Variants in BRSK2 observed in about 807,000 individuals in gnomAD.
BRSK2 encodes the protein BR serine/threonine kinase 2, also known as serine/threonine-protein kinase BRSK2.
A neutral mutation model predicts 83.3 loss-of-function variants in BRSK2; 19 were observed. That is an observed-to-expected ratio of 0.23 (90% confidence interval 0.16 to 0.33). The LOEUF (loss-of-function observed/expected upper bound fraction) is 0.33. Among genes scored for constraint, BRSK2 ranks in the 10% least tolerant of loss-of-function variants. The pLI, the probability that BRSK2 is intolerant of heterozygous loss-of-function variation, is 1.00. For synonymous variants in BRSK2, 519 were observed against 435.4 expected (o/e 1.19, Z -2.39); for missense variants, 798 against 1,042.3 (o/e 0.77, Z 3.23).
intron 1 of BRSK2, among the ~76,000 whole-genome samples, chr11:1,407,277 C>T (rs1448076639): frequency 1.3e-5 from 2 of 152,136 alleles, no homozygotes; most frequent in African/African-American, 4.8e-5. Flanking sequence ...CCGCTGGCCA[C>T]CTCTGCTGTG....
chr11:1,420,614 AC>A (rs1382491340), intron 1 of BRSK2, among the ~76,000 whole-genome samples: 2 of 151,686 alleles, frequency 1.3e-5, no homozygotes, highest in East Asian at 3.9e-4. Flanking sequence ...CCCTGCCTGG[AC>A]CCCCTGTGAC....
rs764403801 is a variant in BRSK2, at chr11:1,423,059, G to A, written c.92-12981G>A. On this transcript the variant is annotated intron_variant, in intron 1 of 19. Coordinates refer to ENST00000528841, the MANE Select transcript of BRSK2 (RefSeq NM_001256627.2). The surrounding 1 kb of genome is among the most constrained non-coding windows in gnomAD (Gnocchi z 6.5). ...CAGCTTGGGAGCCTTAGCTCAGCCA[G>A]ACAGCAGCCCGGAGGGTTAATGTCC... Among the ~76,000 whole-genome samples the A allele has an allele frequency of 6.6e-6, 1 of 152,198 alleles. No homozygotes were observed. Among genetic ancestry groups the A allele is most frequent in the Non-Finnish European group, 1.5e-5 (1 of 68,028 alleles).
At chr11:1,418,010 C>T (rs1319864969) in intron 1 of BRSK2, among the ~76,000 whole-genome samples, 8 of 150,776 alleles carry the variant, frequency 5.3e-5, no homozygotes, top group Non-Finnish European at 1.0e-4. Context: ...CACCTGTGTC[C>T]TGCTTCTGTT....
rs1290169080 is a variant in BRSK2 at position 1,423,716 on chromosome 11, G to A, written c.92-12324G>A. Reference sequence around the variant, plus strand: ...GTGCCCCAGGCCTCCCCCGCTGGGCGTTCCGGGTGCCCCAGGCCTCCCCCG... The same window carrying A: ...GTGCCCCAGGCCTCCCCCGCTGGGCATTCCGGGTGCCCCAGGCCTCCCCCG... On this transcript the variant is annotated intron_variant, in intron 1 of 19. Transcript: ENST00000528841. The surrounding 1 kb of genome is among the most constrained non-coding windows in gnomAD (Gnocchi z 6.5). 2.7e-5 allele frequency among the ~76,000 whole-genome samples: 4 copies of A among 149,662 alleles called. No individual in the cohort carries two copies. The highest frequency in any genetic ancestry group is 2.1e-4 in the South Asian group (1 of 4,694).
intron 16 of BRSK2, 128 bp from the exon 17 acceptor site, chr11:1,456,220 G>A (rs993989240): frequency 1.6e-5 from 16 of 1,012,944 alleles, no homozygotes; most frequent in East Asian, 5.5e-5. Context: ...TGCCCCTCAC[G>A]GAAGCAGAGG....
chr11:1,436,251 C>CG, intron 2 of BRSK2, 117 bp downstream of exon 2: 1 of 680,770 alleles, frequency 1.5e-6, no homozygotes. Flanking sequence ...GGGGGGCGGG[C>CG]CCTGCAGGCT....
At chr11:1,458,284 C>T (rs1846902047) in intron 18 of BRSK2, among the ~76,000 whole-genome samples, 1 of 152,142 alleles carries the variant, frequency 6.6e-6, no homozygotes, top group African/African-American at 2.4e-5. Context: ...CAGCACGCAG[C>T]ACTCCCCTGG....
intron 1 of BRSK2, among the ~76,000 whole-genome samples, chr11:1,433,450 C>T (rs1242024349): frequency 6.6e-6 from 1 of 152,274 alleles, no homozygotes; most frequent in African/African-American, 2.4e-5. Flanking sequence ...CTGTCTTGGC[C>T]TCCGGCTGCA....
chr11:1,417,218 A>C (rs972178732), intron 1 of BRSK2, among the ~76,000 whole-genome samples: 1 of 152,126 alleles, frequency 6.6e-6, no homozygotes, highest in East Asian at 1.9e-4. Context: ...GTATTGAGGG[A>C]CTCTGGGAAC....
At chr11:1,449,696 A>G in intron 12 of BRSK2, 80 bp from the exon 13 acceptor site, 2 of 1,291,156 alleles carry the variant, frequency 1.5e-6, no homozygotes, top group Non-Finnish European at 2.2e-6. Flanking sequence ...TGGAGGGTTT[A>G]CCTGGGGGGA....
At chr11:1,455,417 A>T (rs909564207) in intron 16 of BRSK2, among the ~76,000 whole-genome samples, 5 of 151,426 alleles carry the variant, frequency 3.3e-5, no homozygotes, top group African/African-American at 1.2e-4. Context: ...TGGCAAGATC[A>T]GGCCGTGGTT....
intron 1 of BRSK2, among the ~76,000 whole-genome samples, chr11:1,427,158 G>A (rs970677785): frequency 6.6e-6 from 1 of 152,128 alleles, no homozygotes; most frequent in Admixed American, 6.5e-5. Context: ...GGCTTCCTGG[G>A]GGCAGGGCGC....
At chr11:1,398,596 T>A (rs781385576) in intron 1 of BRSK2, among the ~76,000 whole-genome samples, 5 of 152,142 alleles carry the variant, frequency 3.3e-5, no homozygotes, top group Non-Finnish European at 7.4e-5. Flanking sequence ...ATTAACTTTC[T>A]GCAGAGCGCA....
chr11:1,439,892 A>AC (rs149763187), intron 3 of BRSK2, among the ~76,000 whole-genome samples: 6 of 148,634 alleles, frequency 4.0e-5, no homozygotes, highest in African/African-American at 1.5e-4. Context: ...TGGGGGCTTC[A>AC]CACCTTCCCC....
intron 1 of BRSK2, among the ~76,000 whole-genome samples, chr11:1,425,365 C>T (rs1043111526): frequency 1.3e-5 from 2 of 152,190 alleles, no homozygotes; most frequent in Admixed American, 6.5e-5. Context: ...CCCTGCAGGG[C>T]ACTGCTGCCA....
chr11:1,440,869 T>C lies in BRSK2; in HGVS notation c.354T>C (p.Ala118=). 1 of 1,609,006 alleles carries C rather than the reference T, an allele frequency of 6.2e-7. No homozygotes were observed. The highest frequency in any genetic ancestry group is 8.5e-7 in the Non-Finnish European group (1 of 1,178,126). The part of the protein sequence containing the change: ...VKKGRLTPKE[A]RKFFRQIISA... ...AGGGGAGGCTGACGCCTAAGGAGGCTCGGAAGTTCTTCCGGCAGATCATCT... is the reference window on the plus strand; with the variant it reads ...AGGGGAGGCTGACGCCTAAGGAGGCCCGGAAGTTCTTCCGGCAGATCATCT... Residue 118 remains alanine, a synonymous_variant, in exon 4 of 20, where the codon GCT becomes GCC. Coordinates refer to ENST00000528841, the MANE Select transcript of BRSK2 (RefSeq NM_001256627.2).
chr11:1,396,014 T>G (rs1488476277), intron 1 of BRSK2, among the ~76,000 whole-genome samples: 2 of 152,166 alleles, frequency 1.3e-5, no homozygotes, highest in African/African-American at 4.8e-5. Context: ...GGAGCTACTA[T>G]CAAGGGCCGT....
rs534690840 is a variant in BRSK2 at position 1,438,842 on chromosome 11, C to T, written c.272+451C>T. ...CACCAGGATCCCGCCCTGGCTGGACCGTGGCTGAGTGTGGCTGAAAGTGTC... is the reference window on the plus strand; with the variant it reads ...CACCAGGATCCCGCCCTGGCTGGACTGTGGCTGAGTGTGGCTGAAAGTGTC... On this transcript the variant is annotated intron_variant, in intron 3 of 19. Coordinates refer to ENST00000528841, the MANE Select transcript of BRSK2 (RefSeq NM_001256627.2). The surrounding 1 kb of genome is among the most constrained non-coding windows in gnomAD (Gnocchi z 6.4). Among the ~76,000 whole-genome samples the T allele has an allele frequency of 1.3e-5, 2 of 152,294 alleles. No homozygotes were observed. The highest frequency in any genetic ancestry group is 4.8e-5 in the African/African-American group (2 of 41,564).
At chr11:1,437,725 G>A (rs992180354) in intron 2 of BRSK2, among the ~76,000 whole-genome samples, 3 of 152,208 alleles carry the variant, frequency 2.0e-5, no homozygotes, top group East Asian at 1.9e-4. Context: ...GGCCTCCACC[G>A]TAAGGAAGGG....
Sources: allele counts gnomAD v4.1 joint callset (sites outside exome capture counted in the v4.1 genomes callset), GRCh38; gene constraint gnomAD v4.1.1; non-coding constraint Gnocchi (gnomAD v3.1); transcripts MANE v1.5; gene names NCBI Gene and HGNC (gene_info 2026-07-23, HGNC 2026-07-21).